Variants in ELMO1 observed in about 807,000 individuals in gnomAD.
ELMO1 encodes engulfment and cell motility 1.
In ELMO1, 26 loss-of-function variants were observed where a neutral mutation model predicts 98.9. That is an observed-to-expected ratio of 0.26 (90% CI 0.19 to 0.36). The LOEUF is 0.36. Ranked by LOEUF, ELMO1 falls within the 10% of genes least tolerant of loss-of-function variation. The probability of loss-of-function intolerance (pLI) is 1.00; values close to 1 mark genes in which losing one functional copy is unlikely to be tolerated. For missense variants in ELMO1, 627 were observed against 935.2 expected (o/e 0.67, Z 4.30); for synonymous variants, 346 against 346.0 (o/e 1.00, Z 0.00).
chr7:37,396,750 A>G (rs1323090958), intron 1 of ELMO1, among the ~76,000 whole-genome samples: 1 of 152,230 alleles, frequency 6.6e-6, no homozygotes, highest in Non-Finnish European at 1.5e-5. Context: ...TATGACATTG[A>G]AGGGACATGC....
chr7:36,906,618 G>A (rs148644273), intron 16 of ELMO1, among the ~76,000 whole-genome samples: 64 of 152,236 alleles, frequency 4.2e-4, no homozygotes, highest in Non-Finnish European at 7.4e-4. Context: ...AGTGTCCACC[G>A]CTGAGAAACT....
At chr7:36,857,301 G>A (rs1340861448) in intron 21 of ELMO1, among the ~76,000 whole-genome samples, 2 of 152,186 alleles carry the variant, frequency 1.3e-5, no homozygotes, top group African/African-American at 4.8e-5. Context: ...AACCTTGACA[G>A]AAGTAGACAC....
intron 16 of ELMO1, among the ~76,000 whole-genome samples, chr7:36,974,030 G>A (rs900863777): frequency 2.6e-5 from 4 of 152,222 alleles, no homozygotes; most frequent in Non-Finnish European, 4.4e-5. Context: ...CCCCCACTCC[G>A]TGGGCTCCTG....
intron 16 of ELMO1, among the ~76,000 whole-genome samples, chr7:36,955,464 A>G (rs1788367620): frequency 6.6e-6 from 1 of 152,250 alleles, no homozygotes; most frequent in Non-Finnish European, 1.5e-5. Context: ...CCACCAGATA[A>G]ATTATTTAGA....
chr7:36,978,821 T>G (rs943017694), intron 16 of ELMO1, among the ~76,000 whole-genome samples: 1 of 152,226 alleles, frequency 6.6e-6, no homozygotes, highest in Non-Finnish European at 1.5e-5. Flanking sequence ...AGGTTTCCAA[T>G]TATTCCTCCT....
At chr7:37,292,722 G>T (rs1156886981) in intron 4 of ELMO1, among the ~76,000 whole-genome samples, 1 of 90,588 alleles carries the variant, frequency 1.1e-5, no homozygotes, top group African/African-American at 3.8e-5. Flanking sequence ...CAGCCGCCCC[G>T]TCCGGGAGGG....
At chr7:36,871,688 T>C (rs1803518543) in intron 19 of ELMO1, among the ~76,000 whole-genome samples, 1 of 152,146 alleles carries the variant, frequency 6.6e-6, no homozygotes, top group African/African-American at 2.4e-5. Context: ...AGGTGACAGA[T>C]AAGGATAAAA....
intron 14 of ELMO1, among the ~76,000 whole-genome samples, chr7:37,115,045 CACAAGAAGA>C (rs1785493046): frequency 1.3e-5 from 2 of 152,176 alleles, no homozygotes; most frequent in African/African-American, 2.4e-5. Context: ...CAAGAACCCA[CACAAGAAGA>C]AATAGACAAT....
At chr7:36,997,004 G>C (rs1275524171) in intron 16 of ELMO1, among the ~76,000 whole-genome samples, 1 of 152,222 alleles carries the variant, frequency 6.6e-6, no homozygotes, top group African/African-American at 2.4e-5. Context: ...TGTCTCATGA[G>C]AAGAGCTGTG....
At chr7:37,328,045 G>C (rs1392640778) in intron 2 of ELMO1, among the ~76,000 whole-genome samples, 2 of 152,050 alleles carry the variant, frequency 1.3e-5, no homozygotes, top group African/African-American at 2.4e-5. Context: ...ATATTACTAA[G>C]TGTATTTCAC....
At chr7:37,186,353 TTAGAAGAAAATG>T (rs1427974644) in intron 13 of ELMO1, among the ~76,000 whole-genome samples, 1 of 152,108 alleles carries the variant, frequency 6.6e-6, no homozygotes, top group Non-Finnish European at 1.5e-5. Flanking sequence ...TATAAAACTA[TTAGAAGAAAATG>T]TAGGTATACA....
At chr7:36,905,920 C>T (rs1783926067) in intron 16 of ELMO1, among the ~76,000 whole-genome samples, 1 of 152,158 alleles carries the variant, frequency 6.6e-6, no homozygotes, top group Admixed American at 6.5e-5. Context: ...AGGGTAGAAC[C>T]CGAAGCCCCA....
intron 16 of ELMO1, among the ~76,000 whole-genome samples, chr7:36,944,669 C>A (rs1207707447): frequency 2.0e-5 from 3 of 152,206 alleles, no homozygotes; most frequent in African/African-American, 7.2e-5. Flanking sequence ...GTCAACGGGA[C>A]TTCACAGACA....
chr7:37,150,130 C>T (rs1788258110), intron 13 of ELMO1, among the ~76,000 whole-genome samples: 1 of 152,100 alleles, frequency 6.6e-6, no homozygotes, highest in South Asian at 2.1e-4. Flanking sequence ...TTGATATATT[C>T]AGACATAAAA....
At chr7:37,038,198 C>A (rs936302195) in intron 15 of ELMO1, among the ~76,000 whole-genome samples, 1 of 152,312 alleles carries the variant, frequency 6.6e-6, no homozygotes, top group Middle Eastern at 3.4e-3. Context: ...CCACCTTCAT[C>A]CTCACCCTCC....
intron 1 of ELMO1, among the ~76,000 whole-genome samples, chr7:37,404,661 T>C (rs1803679007): frequency 6.6e-6 from 1 of 152,140 alleles, no homozygotes; most frequent in Admixed American, 6.5e-5. Flanking sequence ...GTTGAGATGT[T>C]CCTCCTCTTT....
At chr7:37,368,343 CTA>C (rs1321310806) in intron 1 of ELMO1, among the ~76,000 whole-genome samples, 6 of 152,130 alleles carry the variant, frequency 3.9e-5, no homozygotes, top group Admixed American at 3.3e-4. Flanking sequence ...TCAGAAAGAA[CTA>C]TGTCTTAAAT....
chr7:37,374,751 A>AAAATAAAT (rs531519033), intron 1 of ELMO1, among the ~76,000 whole-genome samples: 6 of 151,342 alleles, frequency 4.0e-5, no homozygotes, highest in African/African-American at 1.5e-4. Context: ...ACTCCATCTC[A>AAAATAAAT]AAATAAATAA....
intron 7 of ELMO1, among the ~76,000 whole-genome samples, chr7:37,243,459 C>T (rs1794852435): frequency 6.6e-6 from 1 of 152,150 alleles, no homozygotes; most frequent in Non-Finnish European, 1.5e-5. Flanking sequence ...CCATTAAGTG[C>T]TTCTACTGTA....
Sources: allele counts gnomAD v4.1 joint callset (sites outside exome capture counted in the v4.1 genomes callset), GRCh38; gene constraint gnomAD v4.1.1; transcripts MANE v1.5; gene names NCBI Gene and HGNC (gene_info 2026-07-23, HGNC 2026-07-21).